PCDHGB3: variants seen among roughly 807,000 people sequenced by gnomAD.
PCDHGB3 encodes the protein protocadherin gamma subfamily B, 3.
Under a neutral mutation model 59.2 loss-of-function variants are expected in PCDHGB3, and 40 were observed. The observed-to-expected ratio is 0.68, with a 90% CI of 0.52 to 0.88. The LOEUF (loss-of-function observed/expected upper bound fraction) is 0.88. Ranked by LOEUF, PCDHGB3 falls within the 40% of genes least tolerant of loss-of-function variation. The pLI is 0.00. For synonymous variants in PCDHGB3, 581 were observed against 503.6 expected (o/e 1.15, Z -2.06); for missense variants, 1,309 against 1,187.9 (o/e 1.10, Z -1.50).
At chr5:141,468,194 G>A (rs959390749) in intron 1 of PCDHGB3, among the ~76,000 whole-genome samples, 21 of 151,716 alleles carry the variant, frequency 1.4e-4, no homozygotes, top group South Asian at 2.1e-4. Flanking sequence ...GCATGGTGGC[G>A]GGTGCCTGTA....
Position 141,371,694 on chromosome 5 carries a change from T to C in PCDHGB3, c.1300T>C (p.Ser434Pro). Residue 434 changes from serine to proline, a missense_variant, in exon 1 of 4, where the codon TCC (serine) becomes CCC (proline). Ser to Pro is a moderately conservative substitution (Grantham distance 74). Coordinates refer to ENST00000576222, the MANE Select transcript of PCDHGB3 (RefSeq NM_018924.5). ...CGACAAAGGCAATCCACCGCTCTCCTCCAGCAAGACCATCACTCTGCACAT... is the reference window on the plus strand; with the variant it reads ...CGACAAAGGCAATCCACCGCTCTCCCCCAGCAAGACCATCACTCTGCACAT... Reference protein sequence around the residue: ...ATDKGNPPLSSSKTITLHILD... With the variant: ...ATDKGNPPLSPSKTITLHILD... 1 of 1,614,030 alleles carries C rather than the reference T, an allele frequency of 6.2e-7. No homozygotes were observed. Among genetic ancestry groups the C allele is most frequent in the African/African-American group, 1.3e-5 (1 of 75,052 alleles).
intron 1 of PCDHGB3, chr5:141,379,063 C>G (rs1026715251): frequency 6.6e-6 from 1 of 152,184 alleles, no homozygotes; most frequent in African/African-American, 2.4e-5. Flanking sequence ...GGATTGGCCA[C>G]TTGTGCATCT....
chr5:141,375,100 T>A lies in PCDHGB3; in HGVS notation c.2415+2291T>A, dbSNP rs921904476. 5 of 1,613,834 alleles carry A rather than the reference T, an allele frequency of 3.1e-6. No individual in the cohort carries two copies. The African/African-American group carries it at 6.7e-5, about 22-fold the overall frequency. On this transcript the variant is annotated intron_variant, in intron 1 of 3. Transcript: ENST00000576222. The stretch of plus-strand genomic sequence containing the variant: ...CGAAAGTCTTAATAACTATCTTGGA[T>A]GTCAATGATAATGTACCAGAAGTGG...
chr5:141,392,629 T>C, intron 1 of PCDHGB3: 1 of 598,736 alleles, frequency 1.7e-6, no homozygotes, highest in East Asian at 3.0e-5. Flanking sequence ...AACACTCAGA[T>C]CTCACACCTC....
Position 141,485,842 on chromosome 5 carries a change from T to G in PCDHGB3, c.2416-8965T>G. 4 of 1,614,002 alleles carry G rather than the reference T, an allele frequency of 2.5e-6. No homozygotes were observed. The highest frequency in any genetic ancestry group is 3.4e-6 in the Non-Finnish European group (4 of 1,179,982). On this transcript the variant is annotated intron_variant, in intron 1 of 3. Coordinates refer to ENST00000576222, the MANE Select transcript of PCDHGB3 (RefSeq NM_018924.5). The surrounding 1 kb of genome is among the most constrained non-coding windows in gnomAD (Gnocchi z 5.7). ...TCGATGGAGGGAACCCGCCGAGATC[T>G]GGCACCGCAGAGCTCCGGGTATCCG...
intron 1 of PCDHGB3, among the ~76,000 whole-genome samples, chr5:141,451,875 T>C (rs747595781): frequency 5.9e-5 from 9 of 151,594 alleles, no homozygotes; most frequent in Non-Finnish European, 1.3e-4. Context: ...AATGAAACCC[T>C]GTCAAGAAAG....
chr5:141,409,862 G>A (rs1359567076), intron 1 of PCDHGB3: 19 of 1,612,352 alleles, frequency 1.2e-5, no homozygotes, highest in Non-Finnish European at 1.5e-5. Flanking sequence ...GTTGGTGGGA[G>A]ACCGCAATGA....
intron 1 of PCDHGB3, chr5:141,395,187 T>C: frequency 6.2e-7 from 1 of 1,614,162 alleles, no homozygotes; most frequent in Non-Finnish European, 8.5e-7. Flanking sequence ...TGATTCTTTG[T>C]TAACATCCGT....
At position 141,383,787 on chromosome 5, in the gene PCDHGB3, G is replaced by A. The variant is rs773505278; in HGVS notation, c.2415+10978G>A. 12 of 1,613,832 alleles carry A rather than the reference G, an allele frequency of 7.4e-6. No homozygotes were observed. In the South Asian group the frequency reaches 7.7e-5, roughly 10 times the overall value. On this transcript the variant is annotated intron_variant, in intron 1 of 3. Transcript: ENST00000576222. ...TTCCAAAGATGTTTCATCTGAACTC[G>A]CTTACAGGAGAAATATCAACTTTAG...
chr5:141,408,203 A>G (rs1299661641), intron 1 of PCDHGB3: 2 of 1,550,806 alleles, frequency 1.3e-6, no homozygotes, highest in African/African-American at 1.4e-5. Flanking sequence ...CGAGCGAACG[A>G]TGGGAGGGAG....
chr5:141,497,191 A>G (rs2099774633), intron 2 of PCDHGB3, among the ~76,000 whole-genome samples: 1 of 126,864 alleles, frequency 7.9e-6, no homozygotes, highest in Admixed American at 8.3e-5. Context: ...TGAGAGGCAG[A>G]GAACAATGTG....
At chr5:141,444,834 A>G (rs892892307) in intron 1 of PCDHGB3, among the ~76,000 whole-genome samples, 1 of 152,132 alleles carries the variant, frequency 6.6e-6, no homozygotes, top group African/African-American at 2.4e-5. Context: ...TTGTAGCTTT[A>G]TAGTAAGTCT....
At chr5:141,470,485 GAAT>G (rs2099231720) in intron 1 of PCDHGB3, among the ~76,000 whole-genome samples, 1 of 152,074 alleles carries the variant, frequency 6.6e-6, no homozygotes, top group Admixed American at 6.6e-5. Context: ...AACCCTCTGG[GAAT>G]AATATTAGGT....
chr5:141,409,416 T>G (rs770750853), intron 1 of PCDHGB3: 1 of 1,613,964 alleles, frequency 6.2e-7, no homozygotes, highest in South Asian at 1.1e-5. Flanking sequence ...TACAAACTGG[T>G]GACAGATGGA....
At position 141,494,693 on chromosome 5, in the gene PCDHGB3, G is replaced by A. The variant is rs2099756182; in HGVS notation, c.2416-114G>A. The A allele has an allele frequency of 5.0e-6, 8 of 1,585,786 alleles. No individual in the cohort carries two copies. In the South Asian group the frequency reaches 6.8e-5, roughly 13 times the overall value. ...GTCCACCCCTGCCCCCTCTTAGTCC[G>A]TTTTCTTCTCTGTGCCCACTCCCCT... is the stretch of plus-strand genomic sequence containing the variant. On this transcript the variant is annotated intron_variant, in intron 1 of 3. Transcript: ENST00000576222.
Position 141,467,771 on chromosome 5 carries a change from A to G in PCDHGB3, c.2416-27036A>G, listed in dbSNP as rs542500016. Among the ~76,000 whole-genome samples, 11 of 151,422 alleles carry G rather than the reference A, an allele frequency of 7.3e-5. No individual in the cohort carries two copies. The South Asian group carries it at 2.3e-3, about 32-fold the overall frequency. On this transcript the variant is annotated intron_variant, in intron 1 of 3. Transcript: ENST00000576222. Reference sequence around the variant, plus strand: ...CCGCCTCACATGCTCAAGTGCCCGCACCTCAGCCTCTCAAGTAGCTGGGAC... The same window carrying G: ...CCGCCTCACATGCTCAAGTGCCCGCGCCTCAGCCTCTCAAGTAGCTGGGAC...
Position 141,375,514 on chromosome 5 carries a change from G to A in PCDHGB3, c.2415+2705G>A, listed in dbSNP as rs1345928950. On this transcript the variant is annotated intron_variant, in intron 1 of 3. Transcript: ENST00000576222. The stretch of plus-strand genomic sequence containing the variant: ...CCTCCATCTTCTCTGTGAATGCACT[G>A]GACCCTGACGTGGACCAGAACGCCC... 3.1e-6 allele frequency: 5 copies of A among 1,613,836 alleles called. No homozygotes were observed. In the African/African-American group the frequency reaches 4.0e-5, roughly 13 times the overall value.
chr5:141,494,953 T>G, intron 2 of PCDHGB3, 88 bp downstream of exon 2: 1 of 1,604,164 alleles, frequency 6.2e-7, no homozygotes, highest in Non-Finnish European at 8.5e-7. Flanking sequence ...GCCCAGCATT[T>G]GCTACAGATG....
chr5:141,426,817 C>G (rs942714141), intron 1 of PCDHGB3: 4 of 456,594 alleles, frequency 8.8e-6, no homozygotes, highest in Non-Finnish European at 1.8e-5. Flanking sequence ...GAACATTTCT[C>G]TCTGATGATG....
Sources: gnomAD v4.1 joint callset for allele counts (sites outside exome capture counted in the v4.1 genomes callset) on GRCh38, gnomAD v4.1.1 for gene constraint, Gnocchi (gnomAD v3.1) non-coding constraint, MANE v1.5 for transcripts, NCBI Gene and HGNC (gene_info 2026-07-23, HGNC 2026-07-21) for gene names.